The following DNHD1 variants were observed in gnomAD, a reference collection of about 807,000 sequenced individuals.
The protein encoded by DNHD1 is dynein heavy chain domain-containing protein 1.
A neutral mutation model predicts 458.1 loss-of-function variants in DNHD1; 383 were observed. The ratio of observed to expected loss-of-function variants is 0.84; its 90% confidence interval spans 0.77 to 0.91. The LOEUF (loss-of-function observed/expected upper bound fraction) is 0.91. DNHD1 is among the 40% of genes least tolerant of loss of function. DNHD1 has a pLI of 0.00. For synonymous variants in DNHD1, 2,203 were observed against 2,376.9 expected, an observed-to-expected ratio of 0.93 and a Z score of 2.13; for missense variants, 5,336 against 5,866.1, an observed-to-expected ratio of 0.91 and a Z score of 2.95.
At chr11:6,565,000 A>G (rs1273181261) in intron 32 of DNHD1, among the ~76,000 whole-genome samples, 196 bp downstream of exon 32, 2 of 152,180 alleles carry the variant, frequency 1.3e-5, no homozygotes, top group African/African-American at 2.4e-5. Context: ...CTGAATCTAC[A>G]TGACTGATTG....
chr11:6,543,304 G>A (rs761415672), intron 18 of DNHD1, among the ~76,000 whole-genome samples: 3 of 152,164 alleles, frequency 2.0e-5, no homozygotes, highest in Non-Finnish European at 2.9e-5. Flanking sequence ...GTCTTACCAA[G>A]CACTTGTGGC....
At position 6,559,302 on chromosome 11, in the gene DNHD1, G is replaced by C; in HGVS notation, c.9519+19G>C. ...CGGCAAGGTAAGGAGATGATTTTGAGGCTTCCATGGTGGTGTCAAAGCAGG... is the reference window on the plus strand; with the variant it reads ...CGGCAAGGTAAGGAGATGATTTTGACGCTTCCATGGTGGTGTCAAAGCAGG... On this transcript the variant is annotated intron_variant, in intron 28 of 42. Coordinates refer to ENST00000254579, the MANE Select transcript of DNHD1 (RefSeq NM_144666.3). 6.5e-7 allele frequency: 1 copy of C among 1,547,242 alleles called. No homozygotes were observed. Among genetic ancestry groups the C allele is most frequent in the Non-Finnish European group, 8.7e-7 (1 of 1,143,510 alleles).
chr11:6,500,147 TAGAG>T (rs765046355), intron 3 of DNHD1, among the ~76,000 whole-genome samples: 17 of 152,246 alleles, frequency 1.1e-4, no homozygotes, highest in Non-Finnish European at 1.5e-4. Context: ...GTATTTTCAG[TAGAG>T]ACAGTGTTTC....
intron 6 of DNHD1, among the ~76,000 whole-genome samples, chr11:6,510,233 A>G (rs189749744): frequency 9.1e-4 from 138 of 151,800 alleles, no homozygotes; most frequent in African/African-American, 3.2e-3. Context: ...ACAGGCATGC[A>G]CCACCACACC....
chr11:6,553,607 A>G (rs1392919667), intron 24 of DNHD1, among the ~76,000 whole-genome samples: 2 of 152,190 alleles, frequency 1.3e-5, no homozygotes, highest in Non-Finnish European at 2.9e-5. Context: ...ATTTTTTTAA[A>G]CCCCATAAAA....
At chr11:6,504,020 T>A (rs902827523) in intron 4 of DNHD1, 3 of 152,234 alleles carry the variant, frequency 2.0e-5, no homozygotes, top group Non-Finnish European at 4.4e-5. Flanking sequence ...ATGGTGTAAC[T>A]AGGATTTAAA....
rs748130611 is a variant in DNHD1 at position 6,563,693 on chromosome 11, G to A, written c.9853G>A (p.Glu3285Lys). 28 of 1,544,254 alleles carry A rather than the reference G, an allele frequency of 1.8e-5. No homozygotes were observed. In the East Asian group the frequency reaches 4.9e-4, roughly 27 times the overall value. The change falls in exon 31 of 43, where the codon GAG becomes AAG. Residue 3285 changes from glutamate to lysine, a missense_variant and splice_region_variant. By Grantham distance (56) the Glu-to-Lys change is moderately conservative (BLOSUM62 1). Coordinates refer to ENST00000254579, the MANE Select transcript of DNHD1 (RefSeq NM_144666.3). ...QLLCTEDFYQ[E>K]LVFFPKEKIT... Reference sequence around the variant, plus strand: ...ATCCCGTTAACATACATCCTTCCAGGAGCTGGTGTTCTTCCCCAAGGAGAA... The same window carrying A: ...ATCCCGTTAACATACATCCTTCCAGAAGCTGGTGTTCTTCCCCAAGGAGAA...
intron 17 of DNHD1, 56 bp from the exon 18 acceptor site, chr11:6,539,820 A>C (rs1021339553): frequency 2.0e-6 from 3 of 1,511,658 alleles, no homozygotes; most frequent in Non-Finnish European, 2.7e-6. Context: ...TCTCGGCTCC[A>C]AGCCTGTCCC....
rs16914816 is a variant in DNHD1, at chr11:6,525,036, G to A, written c.1838-3486G>A. The stretch of plus-strand genomic sequence containing the variant: ...ATTCTGTAAGAGAGTTATGTGTGGC[G>A]GAGGAGGCCACAATAAAGTGGTTTT... On this transcript the variant is annotated intron_variant, in intron 10 of 42. Transcript: ENST00000254579. Among the ~76,000 whole-genome samples, 832 of 152,256 alleles carry A rather than the reference G, an allele frequency of 5.5e-3. 22 individuals are homozygous for A. Among genetic ancestry groups the A allele is most frequent in the Admixed American group, 0.034 (516 of 15,294 alleles).
rs558498292 is a variant in DNHD1, at chr11:6,517,385, G to A, written c.1393-2215G>A. On this transcript the variant is annotated intron_variant, in intron 7 of 42. Coordinates refer to ENST00000254579, the MANE Select transcript of DNHD1 (RefSeq NM_144666.3). The stretch of plus-strand genomic sequence containing the variant: ...TTCTGTGTATATACCCAAAGGAAAT[G>A]AAATCAGTATCTCAAAGAGATATCT... Among the ~76,000 whole-genome samples the A allele has an allele frequency of 2.6e-5, 4 of 152,282 alleles. No homozygotes were observed. The East Asian group carries it at 7.7e-4, about 29-fold the overall frequency.
chr11:6,540,901 A>G (rs949248939), intron 18 of DNHD1, among the ~76,000 whole-genome samples: 4 of 152,278 alleles, frequency 2.6e-5, no homozygotes, highest in Non-Finnish European at 5.9e-5. Context: ...CTTAAAATAC[A>G]TACATGTACA....
Position 6,566,640 on chromosome 11 carries a change from A to G in DNHD1, c.11260A>G (p.Met3754Val), listed in dbSNP as rs760881765. 2 of 1,613,744 alleles carry G rather than the reference A, an allele frequency of 1.2e-6. No homozygotes were observed. The highest frequency in any genetic ancestry group is 1.7e-6 in the Non-Finnish European group (2 of 1,179,842). Residue 3754 changes from methionine (M) to valine (V), a missense_variant, in exon 35 of 43, where the codon ATG becomes GTG. Transcript: ENST00000254579. ...GLNVLDLGLN[M>V]EILEEQMLHE... ...GAATGTGTTGGATCTGGGCCTGAAC[A>G]TGGAAATACTGGAAGAACAGATGCT...
chr11:6,563,045 G>C lies in DNHD1; in HGVS notation c.9583G>C (p.Glu3195Gln). ...GCTCCTATACAAGCAGCAGCTGGAA[G>C]AGTGTCGGCATCAAGAGAACCTCAT... The part of the protein sequence containing the change: ...SKLLYKQQLE[E>Q]CRHQENLIEN... Residue 3195 changes from glutamate (E) to glutamine (Q), a missense_variant, in exon 29 of 43, where the codon GAG becomes CAG. Around this residue, in one of 4 missense-constraint regions of DNHD1, gnomAD observed 3,932 missense variants for 4,365.6 expected, o/e 0.90. Coordinates refer to ENST00000254579, the MANE Select transcript of DNHD1 (RefSeq NM_144666.3). The C allele has an allele frequency of 6.4e-7, 1 of 1,551,754 alleles. No individual in the cohort carries two copies. The highest frequency in any genetic ancestry group is 8.7e-7 in the Non-Finnish European group (1 of 1,147,008).
rs1174340762 is a variant in DNHD1, at chr11:6,533,137, C to T, written c.2458C>T (p.Arg820Ter). The change falls in exon 13 of 43, where the codon CGA becomes TGA. Residue 820 changes from arginine to a stop codon, truncating the protein, a stop_gained. Transcript: ENST00000254579. LOFTEE classifies it high-confidence loss of function. ...TELTDFMHIFRTINSDIHAIA... is the reference protein window; with the variant it reads ...TELTDFMHIF ...GCTCACAGATTTCATGCATATCTTC[C>T]GAACCATCAACTCAGATATTCATGC... The T allele has an allele frequency of 1.3e-5, 20 of 1,551,522 alleles. No individual in the cohort carries two copies. Among genetic ancestry groups the T allele is most frequent in the South Asian group, 4.8e-5 (4 of 84,064 alleles).
At chr11:6,530,443 G>A (rs1048626608) in intron 12 of DNHD1, among the ~76,000 whole-genome samples, 25 of 152,226 alleles carry the variant, frequency 1.6e-4, no homozygotes, top group African/African-American at 5.8e-4. Context: ...GAGGCTCACA[G>A]CGGGGTAGAT....
Position 6,528,786 on chromosome 11 carries a change from A to C in DNHD1, c.2102A>C (p.Glu701Ala). The change falls in exon 11 of 43, where the codon GAG (glutamate) becomes GCG (alanine). Residue 701 changes from glutamate (E) to alanine (A), a missense_variant and splice_region_variant. Physicochemically the swap from Glu to Ala is moderately radical, Grantham distance 107. Around this residue, in one of 4 missense-constraint regions of DNHD1, gnomAD observed 3,932 missense variants for 4,365.6 expected, o/e 0.90. Transcript: ENST00000254579. ...QALNIQQVLL[E>A]GVLCKVQEFC... Reference sequence around the variant, plus strand: ...CTGAATATACAACAGGTGCTGCTGGAGGTGAGAACAGTGGTTTAAGGGATA... The same window carrying C: ...CTGAATATACAACAGGTGCTGCTGGCGGTGAGAACAGTGGTTTAAGGGATA... 6.4e-7 allele frequency: 1 copy of C among 1,551,452 alleles called. No homozygotes were observed. The highest frequency in any genetic ancestry group is 8.7e-7 in the Non-Finnish European group (1 of 1,146,814).
At chr11:6,524,781 T>C (rs1377924175) in intron 10 of DNHD1, among the ~76,000 whole-genome samples, 1 of 152,212 alleles carries the variant, frequency 6.6e-6, no homozygotes, top group Non-Finnish European at 1.5e-5. Flanking sequence ...GGGGTTGATT[T>C]TGGATTAAGT....
chr11:6,571,664 C>CAG lies in DNHD1; in HGVS notation c.13947_13948dup (p.Gly4650GlufsTer5). 1 of 1,604,564 alleles carries CAG rather than the reference C, an allele frequency of 6.2e-7. No individual in the cohort carries two copies. Among genetic ancestry groups the CAG allele is most frequent in the Non-Finnish European group, 8.5e-7 (1 of 1,175,200 alleles). On this transcript the variant is annotated frameshift_variant, in exon 43 of 43. Transcript: ENST00000254579. LOFTEE classifies it low-confidence loss of function (END_TRUNC). This position sits in a 1 kb window ranked among gnomAD's most constrained non-coding sequence, Gnocchi z 5.0. ...GAGAATGGTCCAAATCCCACGGTTCCAGAGAGAGGGCTGCTGCTGATCGGG... is the reference window on the plus strand; with the variant it reads ...GAGAATGGTCCAAATCCCACGGTTCCAGAGAGAGAGGGCTGCTGCTGATCGGG...
At position 6,547,792 on chromosome 11, in the gene DNHD1, C is replaced by T. The variant is rs138724516; in HGVS notation, c.6728-71C>T. ...CAGGAGTGAAAAGTAATACTGTCAA[C>T]CTTTTTTCTTTCTTTCACCTTCCAC... On this transcript the variant is annotated intron_variant, in intron 21 of 42. Transcript: ENST00000254579. The T allele has an allele frequency of 9.5e-3, 14,630 of 1,534,272 alleles. 78 individuals carry two copies. The highest frequency in any genetic ancestry group is 0.011 in the Non-Finnish European group (12,829 of 1,135,246).
Sources: allele counts gnomAD v4.1 joint callset (sites outside exome capture counted in the v4.1 genomes callset), GRCh38; gene constraint gnomAD v4.1.1; regional missense constraint gnomAD v4.1.1; non-coding constraint Gnocchi (gnomAD v3.1); transcripts MANE v1.5; gene names NCBI Gene and HGNC (gene_info 2026-07-23, HGNC 2026-07-21).